BICRA: variants seen among roughly 807,000 people sequenced by gnomAD.
The protein encoded by BICRA is BRD4 interacting chromatin remodeling complex associated protein.
BICRA carries 31 observed loss-of-function variants against 96.9 expected under a neutral mutation model. That is an observed-to-expected ratio of 0.32 (90% CI 0.24 to 0.43). The LOEUF (loss-of-function observed/expected upper bound fraction) is 0.43. Among genes scored for constraint, BICRA ranks in the 20% least tolerant of loss-of-function variants. BICRA has a pLI of 1.00. For missense variants in BICRA, 2,283 were observed against 2,190.3 expected, an observed-to-expected ratio of 1.04 and a Z score of -0.84; for synonymous variants, 1,350 against 1,071.8, an observed-to-expected ratio of 1.26 and a Z score of -5.07.
chr19:47,617,899 T>G (rs1274390789), intron 1 of BICRA, among the ~76,000 whole-genome samples: 7 of 152,208 alleles, frequency 4.6e-5, no homozygotes, highest in Non-Finnish European at 1.0e-4. Flanking sequence ...AATGGTGGTG[T>G]TATTTCTGGG....
At chr19:47,697,205 C>T (rs1430074533) in intron 11 of BICRA, among the ~76,000 whole-genome samples, 5 of 152,006 alleles carry the variant, frequency 3.3e-5, no homozygotes, top group African/African-American at 9.7e-5. Flanking sequence ...TGGAGTTTCA[C>T]CATGTTGGCC....
At chr19:47,635,009 G>A (rs961544940) in intron 1 of BICRA, among the ~76,000 whole-genome samples, 27 of 152,070 alleles carry the variant, frequency 1.8e-4, no homozygotes, top group Middle Eastern at 3.4e-3. Context: ...TTATCCGCCC[G>A]CCTTGGCCTC....
intron 1 of BICRA, among the ~76,000 whole-genome samples, chr19:47,640,907 T>TTC (rs998379564): frequency 1.4e-5 from 2 of 142,622 alleles, no homozygotes; most frequent in African/African-American, 2.7e-5. Flanking sequence ...TTTTTTTTTT[T>TTC]TTTTTTTTTT....
At position 47,681,084 on chromosome 19, in the gene BICRA, C is replaced by T; in HGVS notation, c.1914C>T (p.Gly638=). The change falls in exon 6 of 15, where the codon GGC becomes GGT. Residue 638 remains glycine (G), a synonymous_variant. Transcript: ENST00000594866. ...CGGTCAGCACACCCCTGCCCCTGGG[C>T]CTCCAGCAGCCGCAGGCGCAGCAGC... ...PPAVSTPLPL[G]LQQPQAQQPP... 6.9e-7 allele frequency: 1 copy of T among 1,438,866 alleles called. No individual in the cohort carries two copies. The highest frequency in any genetic ancestry group is 9.1e-7 in the Non-Finnish European group (1 of 1,093,368). The allele number at this position is 1,438,866 out of a possible 1,614,324, so 89.1% of individuals were successfully genotyped here.
chr19:47,697,096 T>TC (rs1379189370), intron 11 of BICRA, among the ~76,000 whole-genome samples: 1 of 151,634 alleles, frequency 6.6e-6, no homozygotes, highest in Non-Finnish European at 1.5e-5. Flanking sequence ...AACCTCCGCC[T>TC]CCCCCGTTCA....
chr19:47,664,727 C>G (rs1972751061), intron 1 of BICRA, among the ~76,000 whole-genome samples: 1 of 152,174 alleles, frequency 6.6e-6, no homozygotes, highest in African/African-American at 2.4e-5. Flanking sequence ...TCCGTGGTGG[C>G]AGAGGCTGGC....
Position 47,698,860 on chromosome 19 carries a change from C to CGGCTCCACACTGGCGA in BICRA, c.3397+78_3397+79insGGCTCCACACTGGCGA. 2 of 1,385,974 alleles carry CGGCTCCACACTGGCGA rather than the reference C, an allele frequency of 1.4e-6. No individual in the cohort carries two copies. The highest frequency in any genetic ancestry group is 2.0e-6 in the Non-Finnish European group (2 of 997,400). 85.9% of individuals were successfully genotyped at this position (1,385,974 alleles called of 1,614,324 possible). ...GGGGCGGGGCGTCGCCAGTGTGGAG[C>CGGCTCCACACTGGCGA]CGCAGGTCCACGGTGCGCTATGCTG... is the stretch of plus-strand genomic sequence containing the variant. On this transcript the variant is annotated intron_variant, in intron 12 of 14. Coordinates refer to ENST00000594866, the MANE Select transcript of BICRA (RefSeq NM_001394372.1). The surrounding 1 kb of genome is among the most constrained non-coding windows in gnomAD (Gnocchi z 4.8).
intron 1 of BICRA, among the ~76,000 whole-genome samples, chr19:47,638,596 T>TTCTC: frequency 7.4e-6 from 1 of 134,264 alleles, no homozygotes; most frequent in African/African-American, 3.0e-5. Context: ...CTCTCTCTGT[T>TTCTC]TCTCTCTCTC....
Position 47,702,314 on chromosome 19 carries a change from T to C in BICRA, c.4582T>C (p.Ser1528Pro), listed in dbSNP as rs767446900. 6.4e-7 allele frequency: 1 copy of C among 1,567,572 alleles called. No individual in the cohort carries two copies. Among genetic ancestry groups the C allele is most frequent in the Non-Finnish European group, 8.6e-7 (1 of 1,165,540 alleles). ...CGCGCCCTCGTACCCCCACGCTGCC[T>C]CGGCCGGCACCCCCGCATCCCCGCC... ...TPAPSYPHAA[S>P]AGTPASPPPL... The change falls in exon 15 of 15, where the codon TCG becomes CCG. Residue 1528 changes from serine (S) to proline (P), a missense_variant. Physicochemically the swap from Ser to Pro is moderately conservative, Grantham distance 74. Transcript: ENST00000594866.
intron 11 of BICRA, among the ~76,000 whole-genome samples, chr19:47,697,533 A>G (rs1046148877): frequency 2.0e-5 from 3 of 150,274 alleles, no homozygotes; most frequent in African/African-American, 7.3e-5. Flanking sequence ...GCTGGAGTGC[A>G]GTGGTACAAT....
intron 2 of BICRA, among the ~76,000 whole-genome samples, chr19:47,672,357 G>A (rs1972880227): frequency 6.7e-6 from 1 of 149,066 alleles, no homozygotes; most frequent in Non-Finnish European, 1.5e-5. Context: ...ATGGATGGAA[G>A]GATGGAGGAT....
Position 47,680,376 on chromosome 19 carries a change from G to C in BICRA, c.1206G>C (p.Ala402=). The change falls in exon 6 of 15, where the codon GCG becomes GCC. Residue 402 remains alanine, a synonymous_variant. Transcript: ENST00000594866. ...KAPQNLTFMA[A]GKAGQNVVLS... is the part of the protein sequence containing the mutation. ...CGCAGAACCTGACGTTCATGGCGGC[G>C]GGGAAGGCGGGCCAGAACGTGGTGC... 6.5e-7 allele frequency: 1 copy of C among 1,530,170 alleles called. No individual in the cohort carries two copies. Among genetic ancestry groups the C allele is most frequent in the Non-Finnish European group, 8.7e-7 (1 of 1,143,254 alleles). The allele number at this position is 1,530,170 out of a possible 1,614,324, so 94.8% of individuals were successfully genotyped here. A position where few individuals can be genotyped will look rare whatever the true frequency, so the allele number is the denominator to read the frequency against.
intron 10 of BICRA, 91 bp downstream of exon 10, chr19:47,695,565 G>T: frequency 1.5e-6 from 1 of 675,122 alleles, no homozygotes; most frequent in South Asian, 1.7e-5. Context: ...GACACTGGAA[G>T]ACGCGGACAG....
rs143346397 is a variant in BICRA at position 47,676,036 on chromosome 19, C to T, written c.150+120C>T. The T allele has an allele frequency of 4.4e-3, 1,128 of 254,654 alleles. 8 individuals are homozygous for T. The highest frequency in any genetic ancestry group is 0.026 in the African/African-American group (1,029 of 40,188). The allele number at this position is 254,654 out of a possible 1,614,324, so 15.8% of individuals were successfully genotyped here. On this transcript the variant is annotated intron_variant, in intron 5 of 14. Coordinates refer to ENST00000594866, the MANE Select transcript of BICRA (RefSeq NM_001394372.1). ...GTGAGGGCTGTTGACAGGAGGAGGG[C>T]GGGGGTGGGCCACCCAGGGTGGCTG...
chr19:47,676,604 C>T (rs1397404053), intron 5 of BICRA, among the ~76,000 whole-genome samples: 1 of 68,060 alleles, frequency 1.5e-5, no homozygotes, highest in Admixed American at 1.4e-4. Context: ...TCCTTCCCCC[C>T]CTCACCCTCC....
chr19:47,655,962 T>C (rs1972610601), intron 1 of BICRA, among the ~76,000 whole-genome samples: 1 of 150,068 alleles, frequency 6.7e-6, no homozygotes, highest in African/African-American at 2.5e-5. Flanking sequence ...AGGCTGGGCA[T>C]GGTAGCTCAC....
At chr19:47,691,074 T>C (rs1462236118) in intron 7 of BICRA, among the ~76,000 whole-genome samples, 1 of 152,204 alleles carries the variant, frequency 6.6e-6, no homozygotes, top group Non-Finnish European at 1.5e-5. Flanking sequence ...GCAGCTTAGC[T>C]AGGAGGTTCT....
intron 1 of BICRA, among the ~76,000 whole-genome samples, chr19:47,668,810 G>A (rs915314318): frequency 1.3e-5 from 2 of 151,770 alleles, no homozygotes; most frequent in Admixed American, 6.6e-5. Flanking sequence ...CTTCTTATTG[G>A]TGATTTCTCT....
chr19:47,694,085 CCCT>C, intron 7 of BICRA, 27 bp from the exon 8 acceptor site: 2 of 1,374,940 alleles, frequency 1.5e-6, no homozygotes, highest in South Asian at 3.0e-5. Flanking sequence ...TGACCCCCGC[CCCT>C]CCCCTCTCCC....
Sources: gnomAD v4.1 joint callset for allele counts (sites outside exome capture counted in the v4.1 genomes callset) on GRCh38, gnomAD v4.1.1 for gene constraint, Gnocchi (gnomAD v3.1) non-coding constraint, MANE v1.5 for transcripts, NCBI Gene and HGNC (gene_info 2026-07-23, HGNC 2026-07-21) for gene names.